The following PDE3B variants were observed in gnomAD, a reference collection of about 807,000 sequenced individuals.
PDE3B encodes phosphodiesterase 3B.
PDE3B carries 66 observed loss-of-function variants against 116.8 expected under a neutral mutation model. The ratio of observed to expected loss-of-function variants is 0.56; its 90% CI spans 0.46 to 0.69. The LOEUF is 0.69. PDE3B is among the 30% of genes least tolerant of loss of function. The pLI, the probability that PDE3B is intolerant of heterozygous loss-of-function variation, is 0.00. For missense variants in PDE3B, 1,384 were observed against 1,368.1 expected (o/e 1.01, Z -0.18); for synonymous variants, 595 against 533.6 (o/e 1.12, Z -1.59).
chr11:14,655,651 C>T (rs1853698180), intron 1 of PDE3B, among the ~76,000 whole-genome samples: 1 of 152,102 alleles, frequency 6.6e-6, no homozygotes, highest in African/African-American at 2.4e-5. Context: ...TCGAGCACCT[C>T]ATTGTGGAAG....
chr11:14,676,702 T>G (rs1854541509), intron 1 of PDE3B, among the ~76,000 whole-genome samples: 1 of 152,214 alleles, frequency 6.6e-6, no homozygotes. Context: ...GAAAGTTCAT[T>G]ATGTGGCATG....
At chr11:14,833,829 A>G (rs1859973625) in intron 10 of PDE3B, among the ~76,000 whole-genome samples, 1 of 152,192 alleles carries the variant, frequency 6.6e-6, no homozygotes, top group Non-Finnish European at 1.5e-5. Context: ...TATATTGTGC[A>G]TTCAAAAAAG....
intron 1 of PDE3B, among the ~76,000 whole-genome samples, chr11:14,680,995 C>T (rs576903788): frequency 3.9e-5 from 6 of 152,222 alleles, no homozygotes; most frequent in African/African-American, 1.2e-4. Context: ...ATAAACCCAT[C>T]GTAAGTTGAA....
chr11:14,856,287 T>TA (rs1353096759), intron 12 of PDE3B, among the ~76,000 whole-genome samples: 3 of 152,228 alleles, frequency 2.0e-5, no homozygotes, highest in African/African-American at 7.2e-5. Flanking sequence ...GTGATTCAAT[T>TA]AAACCTCTTT....
chr11:14,828,671 C>T (rs532447467), intron 7 of PDE3B, among the ~76,000 whole-genome samples: 2 of 152,096 alleles, frequency 1.3e-5, no homozygotes, highest in South Asian at 2.1e-4. Flanking sequence ...CAGATGCTGG[C>T]GATGTTGGGG....
chr11:14,862,637 G>A (rs999883958), intron 14 of PDE3B, among the ~76,000 whole-genome samples: 3 of 152,242 alleles, frequency 2.0e-5, no homozygotes, highest in South Asian at 2.1e-4. Flanking sequence ...GCAGTGGCGC[G>A]ATCTCGGCTC....
the PDE3B span, among the ~76,000 whole-genome samples, chr11:14,897,754 C>A: frequency 2.0e-5 from 3 of 152,110 alleles, no homozygotes; most frequent in African/African-American, 7.2e-5. Context: ...CACAGGAATA[C>A]CCGGCTTTCT....
rs1200580544 is a variant in PDE3B at position 14,644,618 on chromosome 11, A to G, written c.543A>G (p.Ala181=). 74 of 1,531,074 alleles carry G rather than the reference A, an allele frequency of 4.8e-5. No homozygotes were observed. Among genetic ancestry groups the G allele is most frequent in the Non-Finnish European group, 6.5e-5 (74 of 1,141,576 alleles). 94.8% of individuals were successfully genotyped at this position (1,531,074 alleles called of 1,614,324 possible). Residue 181 remains alanine, a synonymous_variant, in exon 1 of 16, where the codon GCA becomes GCG. Transcript: ENST00000282096. ...CTTGGCCTTGGGGGGATGGCGACGC[A>G]GGGTCCGCGGCCCCGCACACGCCCC... The part of the protein sequence containing the change: ...WWSWPWGDGD[A]GSAAPHTPPE...
Position 14,831,479 on chromosome 11 carries a change from A to G in PDE3B, c.1957-161A>G, listed in dbSNP as rs572556407. ...AGTTTTTGAAGATAACATTCTAGAA[A>G]GAGAAATTAGAAGGGCAGATAAGAC... On this transcript the variant is annotated intron_variant, in intron 8 of 15. Coordinates refer to ENST00000282096, the MANE Select transcript of PDE3B (RefSeq NM_000922.4). 8.5e-5 allele frequency among the ~76,000 whole-genome samples: 13 copies of G among 152,156 alleles called. No homozygotes were observed. In the East Asian group the frequency reaches 2.5e-3, roughly 29 times the overall value.
chr11:14,730,726 A>G (rs1856434086), intron 1 of PDE3B, among the ~76,000 whole-genome samples: 1 of 152,230 alleles, frequency 6.6e-6, no homozygotes, highest in African/African-American at 2.4e-5. Flanking sequence ...TCTGAAAGAT[A>G]TATCAACATT....
intron 11 of PDE3B, among the ~76,000 whole-genome samples, chr11:14,838,943 G>A (rs1860142858): frequency 6.6e-6 from 1 of 152,170 alleles, no homozygotes; most frequent in African/African-American, 2.4e-5. Context: ...GAATCCAGAA[G>A]CTCACAATGT....
At chr11:14,884,525 A>C in the PDE3B span, among the ~76,000 whole-genome samples, 1 of 103,326 alleles carries the variant, frequency 9.7e-6, no homozygotes, top group South Asian at 3.8e-4. Context: ...CACTCTGGGG[A>C]CTGTTGTGGG....
At chr11:14,660,698 T>C (rs1163942775) in intron 1 of PDE3B, among the ~76,000 whole-genome samples, 1 of 152,184 alleles carries the variant, frequency 6.6e-6, no homozygotes, top group Non-Finnish European at 1.5e-5. Context: ...TTAGGGCTAA[T>C]AGGAATAGCT....
chr11:14,894,103 C>T, the PDE3B span, among the ~76,000 whole-genome samples: 2 of 152,160 alleles, frequency 1.3e-5, no homozygotes, highest in Non-Finnish European at 2.9e-5. Flanking sequence ...TGACTATCCC[C>T]AGGGGCTGAA....
intron 11 of PDE3B, among the ~76,000 whole-genome samples, chr11:14,837,851 C>G (rs1439442055): frequency 6.6e-6 from 1 of 152,134 alleles, no homozygotes; most frequent in East Asian, 1.9e-4. Context: ...ATGTGCTGTC[C>G]TATTCTCACT....
At chr11:14,868,738 TG>T (rs1848091849) in intron 15 of PDE3B, among the ~76,000 whole-genome samples, 1 of 152,174 alleles carries the variant, frequency 6.6e-6, no homozygotes. Context: ...ACACATGCCT[TG>T]TATTTAGGAT....
intron 1 of PDE3B, among the ~76,000 whole-genome samples, chr11:14,748,369 T>A (rs1856969663): frequency 6.6e-6 from 1 of 152,202 alleles, no homozygotes; most frequent in African/African-American, 2.4e-5. Context: ...ATCACAATTT[T>A]TTTTCTATGT....
In PDE3B at chr11:14,843,946, C is replaced by T. The variant is rs1210593413; in HGVS notation, c.2440C>T (p.Leu814=). 1 of 1,614,044 alleles carries T rather than the reference C, an allele frequency of 6.2e-7. No individual in the cohort carries two copies. Among genetic ancestry groups the T allele is most frequent in the South Asian group, 1.1e-5 (1 of 91,076 alleles). ...SNIPALELMA[L]YVAAAMHDYD... ...CATTCCTGCATTAGAATTGATGGCTCTATACGTGGCAGCTGCCATGCATGA... is the reference window on the plus strand; with the variant it reads ...CATTCCTGCATTAGAATTGATGGCTTTATACGTGGCAGCTGCCATGCATGA... Residue 814 remains leucine, a synonymous_variant, in exon 12 of 16, where the codon CTA becomes TTA. Transcript: ENST00000282096.
intron 1 of PDE3B, among the ~76,000 whole-genome samples, chr11:14,667,193 C>T (rs1427501571): frequency 6.6e-6 from 1 of 150,636 alleles, no homozygotes; most frequent in Non-Finnish European, 1.5e-5. Context: ...GACAAAAAAC[C>T]AAACACCACA....
Sources: gnomAD v4.1 joint callset for allele counts (sites outside exome capture counted in the v4.1 genomes callset) on GRCh38, gnomAD v4.1.1 for gene constraint, MANE v1.5 for transcripts, NCBI Gene and HGNC (gene_info 2026-07-23, HGNC 2026-07-21) for gene names.